The following TMEM168 variants were observed in gnomAD, a reference collection of about 807,000 sequenced individuals.
The protein encoded by TMEM168 is transmembrane protein 168.
Under a neutral mutation model 53.2 loss-of-function variants are expected in TMEM168, and 40 were observed. That is an observed-to-expected ratio of 0.75 (90% CI 0.58 to 0.98). The LOEUF (loss-of-function observed/expected upper bound fraction) is 0.98, where lower values mean the gene tolerates loss of function less well. Ranked by LOEUF, TMEM168 falls within the 50% of genes least tolerant of loss-of-function variation. The pLI is 0.00. For synonymous variants in TMEM168, 282 were observed against 293.0 expected (o/e 0.96, Z 0.38); for missense variants, 771 against 828.8 (o/e 0.93, Z 0.86).
At chr7:112,772,683 C>T (rs1043932256) in intron 4 of TMEM168, 98 bp downstream of exon 4, 2 of 1,420,170 alleles carry the variant, frequency 1.4e-6, no homozygotes, top group Non-Finnish European at 1.9e-6. Flanking sequence ...GTTCAGTAAA[C>T]TAAGAATCCT....
intron 1 of TMEM168, among the ~76,000 whole-genome samples, chr7:112,789,856 T>C (rs977396814): frequency 6.6e-6 from 1 of 152,224 alleles, no homozygotes; most frequent in Non-Finnish European, 1.5e-5. Context: ...TTCTCTCCCT[T>C]TCGGCCTCCT....
At chr7:112,785,255 AG>A (rs1300718528) in intron 1 of TMEM168, among the ~76,000 whole-genome samples, 1 of 152,230 alleles carries the variant, frequency 6.6e-6, no homozygotes, top group Non-Finnish European at 1.5e-5. Context: ...TTCAACAACA[AG>A]GAAAGGTGAA....
At chr7:112,767,767 T>C (rs775680001) in intron 4 of TMEM168, 23 bp from the exon 5 acceptor site, 2 of 1,567,922 alleles carry the variant, frequency 1.3e-6, no homozygotes, top group African/African-American at 2.7e-5. Context: ...GAAAATTCAA[T>C]GGAGCAATAA....
intron 1 of TMEM168, among the ~76,000 whole-genome samples, chr7:112,787,700 C>A (rs1793424645): frequency 7.2e-6 from 1 of 138,714 alleles, no homozygotes; most frequent in Non-Finnish European, 1.5e-5. Context: ...AGGCGTGAGC[C>A]ACTGCGACTG....
intron 1 of TMEM168, among the ~76,000 whole-genome samples, chr7:112,785,723 G>A (rs766792790): frequency 5.9e-5 from 9 of 152,142 alleles, no homozygotes; most frequent in Middle Eastern, 3.4e-3. Context: ...TTAAACAAAC[G>A]TTACTACAAG....
At chr7:112,773,200 T>A in intron 3 of TMEM168, 145 bp from the exon 4 acceptor site, 1 of 791,192 alleles carries the variant, frequency 1.3e-6, no homozygotes, top group Non-Finnish European at 1.9e-6. Context: ...CTAAAATTCC[T>A]ATAGTACTGA....
chr7:112,790,391 C>G lies in TMEM168; in HGVS notation c.-360G>C, dbSNP rs13307359. ...CCGCCATGTTTCCGCCGCCGAAATC[C>G]GCGACGGTACGGAACGCCGCCGGGG... On this transcript the variant is annotated 5_prime_UTR_variant, in exon 1 of 5. Coordinates refer to ENST00000312814, the MANE Select transcript of TMEM168 (RefSeq NM_022484.6). The G allele has an allele frequency of 6.6e-6, 1 of 152,320 alleles. No individual in the cohort carries two copies. The highest frequency in any genetic ancestry group is 1.5e-5 in the Non-Finnish European group (1 of 68,110). 9.4% of individuals were successfully genotyped at this position (152,320 alleles called of 1,614,324 possible). A position where few individuals can be genotyped will look rare whatever the true frequency, so the allele number is the denominator to read the frequency against.
At chr7:112,771,701 GT>G (rs1415189613) in intron 4 of TMEM168, among the ~76,000 whole-genome samples, 2 of 151,962 alleles carry the variant, frequency 1.3e-5, no homozygotes, top group Non-Finnish European at 2.9e-5. Context: ...TAACCTTTTT[GT>G]TTGTCTCTTT....
At chr7:112,781,123 C>CA (rs1213448367) in intron 2 of TMEM168, among the ~76,000 whole-genome samples, 2,064 of 96,842 alleles carry the variant, frequency 0.021, 39 homozygotes, top group African/African-American at 0.062. Context: ...AATAAAGAAG[C>CA]AAAAAAAAAA....
At position 112,764,801 on chromosome 7, in the gene TMEM168, C is replaced by T. The variant is rs1792735063; in HGVS notation, c.*2396G>A. ...GCATGAGCCACCATGCCTGGCTAAA[C>T]ATGTACTTTTTTTTTTTTTTGAGAC... On this transcript the variant is annotated 3_prime_UTR_variant, in exon 5 of 5. Transcript: ENST00000312814. 1 of 127,178 alleles carries T rather than the reference C, an allele frequency of 7.9e-6. No individual in the cohort carries two copies. The highest frequency in any genetic ancestry group is 2.6e-4 in the South Asian group (1 of 3,870). The allele number at this position is 127,178 out of a possible 1,614,324, so 7.9% of individuals were successfully genotyped here.
At chr7:112,788,510 ACT>A (rs1793452742) in intron 1 of TMEM168, 1 of 152,174 alleles carries the variant, frequency 6.6e-6, no homozygotes, top group Non-Finnish European at 1.5e-5. Flanking sequence ...AATTTACAAA[ACT>A]CTTCCCCATT....
intron 1 of TMEM168, among the ~76,000 whole-genome samples, chr7:112,787,539 A>G (rs1490190578): frequency 1.4e-5 from 2 of 148,014 alleles, no homozygotes; most frequent in Non-Finnish European, 3.0e-5. Context: ...CTCAGCCTCC[A>G]GAGTAGCTGG....
chr7:112,785,348 C>T (rs10226382), intron 1 of TMEM168, among the ~76,000 whole-genome samples: 32,592 of 152,128 alleles, frequency 0.21, 3,795 homozygotes, highest in Middle Eastern at 0.44. Context: ...AGGACTTCAT[C>T]GTTACCTCTA....
chr7:112,772,818 A>G lies in TMEM168; in HGVS notation c.1509T>C (p.Ser503=). The G allele has an allele frequency of 6.2e-7, 1 of 1,614,056 alleles. No homozygotes were observed. Among genetic ancestry groups the G allele is most frequent in the Non-Finnish European group, 8.5e-7 (1 of 1,179,940 alleles). Residue 503 remains serine, a synonymous_variant, in exon 4 of 5, where the codon AGT becomes AGC. Transcript: ENST00000312814. ...ACTCTCCTGTACCATGGGTGTGCCCACTGTAATACAAAATATACGTATCAT... is the reference window on the plus strand; with the variant it reads ...ACTCTCCTGTACCATGGGTGTGCCCGCTGTAATACAAAATATACGTATCAT... The part of the protein sequence containing the change: ...PRHDTYILYY[S]GHTHGTGEWA...
At chr7:112,787,725 T>A (rs1793428281) in intron 1 of TMEM168, among the ~76,000 whole-genome samples, 1 of 66,798 alleles carries the variant, frequency 1.5e-5, no homozygotes, top group African/African-American at 8.3e-5. Context: ...TTTTTTTTTT[T>A]TTTTTTTTTT....
At chr7:112,789,646 G>A (rs1008575338) in intron 1 of TMEM168, among the ~76,000 whole-genome samples, 2 of 152,138 alleles carry the variant, frequency 1.3e-5, no homozygotes, top group African/African-American at 2.4e-5. Context: ...ATGGCTTGAG[G>A]CATACCGTAT....
Position 112,784,500 on chromosome 7 carries a change from A to T in TMEM168, c.326T>A (p.Leu109His). The T allele has an allele frequency of 6.2e-7, 1 of 1,614,152 alleles. No individual in the cohort carries two copies. The highest frequency in any genetic ancestry group is 1.7e-5 in the Admixed American group (1 of 60,020). ...FGFLLGLLCFLDNSSFKNDVK... is the reference protein window; with the variant it reads ...FGFLLGLLCFHDNSSFKNDVK... ...ATCATTTTTAAAGGATGAATTATCA[A>T]GAAAACATAGGAGGCCAAGCAAGAA... The change falls in exon 2 of 5, where the codon CTT becomes CAT. Residue 109 changes from leucine to histidine, a missense_variant. Physicochemically the swap from Leu to His is moderately conservative, Grantham distance 99. Transcript: ENST00000312814.
rs769231642 is a variant in TMEM168, at chr7:112,767,518, G to A, written c.1773C>T (p.Asp591=). ...TGGAGTTGCAGTTATATTCTACCCA[G>A]TCTTTTGTAAAGTCACCTAGCTGTG... ...DPPQLGDFTK[D]WVEYNCNSSN... The change falls in exon 5 of 5, where the codon GAC becomes GAT. Residue 591 remains aspartate, a synonymous_variant. Coordinates refer to ENST00000312814, the MANE Select transcript of TMEM168 (RefSeq NM_022484.6). 9 of 1,613,972 alleles carry A rather than the reference G, an allele frequency of 5.6e-6. No homozygotes were observed. The highest frequency in any genetic ancestry group is 1.7e-5 in the Admixed American group (1 of 59,982).
chr7:112,767,674 C>A lies in TMEM168; in HGVS notation c.1617G>T (p.Arg539=), dbSNP rs752958727. The change falls in exon 5 of 5, where the codon CGG becomes CGT. Residue 539 remains arginine, a synonymous_variant. Coordinates refer to ENST00000312814, the MANE Select transcript of TMEM168 (RefSeq NM_022484.6). ...WREKNGSFCS[R]LIIVLDSENS... The stretch of plus-strand genomic sequence containing the variant: ...TTTCGCTGTCTAATACGATAATAAG[C>A]CGGGAACAAAAGGAACCATTCTTTT... 2.5e-6 allele frequency: 4 copies of A among 1,613,976 alleles called. No homozygotes were observed. The highest frequency in any genetic ancestry group is 3.4e-6 in the Non-Finnish European group (4 of 1,179,986).
Sources: allele counts gnomAD v4.1 joint callset (sites outside exome capture counted in the v4.1 genomes callset), GRCh38; gene constraint gnomAD v4.1.1; transcripts MANE v1.5; gene names NCBI Gene and HGNC (gene_info 2026-07-23, HGNC 2026-07-21).